Variants in EPHB2 observed in about 807,000 individuals in gnomAD.
EPHB2 encodes the protein ephrin type-B receptor 2.
A neutral mutation model predicts 96.4 loss-of-function variants in EPHB2; 18 were observed. The ratio of observed to expected loss-of-function variants is 0.19; its 90% CI spans 0.13 to 0.28. EPHB2 has a LOEUF of 0.28. Among genes scored for constraint, EPHB2 ranks in the 10% least tolerant of loss-of-function variants. EPHB2 has a pLI of 1.00. For missense variants in EPHB2, 989 were observed against 1,355.4 expected, an observed-to-expected ratio of 0.73 and a Z score of 4.25; for synonymous variants, 506 against 534.1, an observed-to-expected ratio of 0.95 and a Z score of 0.72.
At chr1:22,746,996 G>T (rs1643985700) in intron 1 of EPHB2, among the ~76,000 whole-genome samples, 2 of 152,246 alleles carry the variant, frequency 1.3e-5, no homozygotes, top group Non-Finnish European at 1.5e-5. Flanking sequence ...AGAAGTGACA[G>T]GTGGTGAGAG....
intron 1 of EPHB2, among the ~76,000 whole-genome samples, chr1:22,731,730 C>G (rs897838468): frequency 6.6e-6 from 1 of 152,154 alleles, no homozygotes; most frequent in Non-Finnish European, 1.5e-5. Flanking sequence ...ATCCCAGCTA[C>G]TCTGGAGGCT....
At chr1:22,752,036 G>A (rs562549468) in intron 1 of EPHB2, among the ~76,000 whole-genome samples, 1 of 152,338 alleles carries the variant, frequency 6.6e-6, no homozygotes, top group South Asian at 2.1e-4. Context: ...GTGGCCTTGG[G>A]TTGGTCATTT....
rs1378127070 is a variant in EPHB2 at position 22,858,580 on chromosome 1, CAT to C, written c.812-4456_812-4455del. Among the ~76,000 whole-genome samples the C allele has an allele frequency of 6.6e-6, 1 of 152,318 alleles. No individual in the cohort carries two copies. Among genetic ancestry groups the C allele is most frequent in the African/African-American group, 2.4e-5 (1 of 41,564 alleles). ...AACTGCCTTCCTGTGTTTCAGGTCT[CAT>C]TGTCTTCTTCCCACTTCTGCACGTG... On this transcript the variant is annotated intron_variant, in intron 3 of 15. Transcript: ENST00000374630. This position sits in a 1 kb window ranked among gnomAD's most constrained non-coding sequence, Gnocchi z 7.7.
intron 5 of EPHB2, among the ~76,000 whole-genome samples, chr1:22,866,786 T>C (rs1638493157): frequency 6.6e-6 from 1 of 151,932 alleles, no homozygotes; most frequent in African/African-American, 2.4e-5. Context: ...ATACAAAAAT[T>C]AGCCAGGTAT....
At chr1:22,777,475 A>G (rs1050534908) in intron 1 of EPHB2, among the ~76,000 whole-genome samples, 1 of 152,222 alleles carries the variant, frequency 6.6e-6, no homozygotes, top group African/African-American at 2.4e-5. Context: ...GGTGTGTTAC[A>G]GGGTGGAAAA....
At chr1:22,757,555 G>T (rs1331524686) in intron 1 of EPHB2, among the ~76,000 whole-genome samples, 1 of 152,090 alleles carries the variant, frequency 6.6e-6, no homozygotes, top group African/African-American at 2.4e-5. Flanking sequence ...TCTGTGTAAT[G>T]TTTACCCTAA....
At chr1:22,904,735 C>T (rs1005031868) in intron 9 of EPHB2, among the ~76,000 whole-genome samples, 4 of 152,186 alleles carry the variant, frequency 2.6e-5, no homozygotes, top group African/African-American at 9.7e-5. Flanking sequence ...GGTTGTGTTC[C>T]AATAATACTT....
chr1:22,888,519 A>G (rs1454733726), intron 6 of EPHB2, among the ~76,000 whole-genome samples: 2 of 152,190 alleles, frequency 1.3e-5, no homozygotes, highest in East Asian at 1.9e-4. Context: ...TGAGGCCTGG[A>G]AGGCTTAAGA....
intron 3 of EPHB2, among the ~76,000 whole-genome samples, chr1:22,825,365 A>T (rs551920877): frequency 6.6e-6 from 1 of 152,330 alleles, no homozygotes; most frequent in African/African-American, 2.4e-5. Flanking sequence ...AACTCCTCGG[A>T]TGATCCAGTT....
chr1:22,769,985 A>C (rs1644356586), intron 1 of EPHB2, among the ~76,000 whole-genome samples: 1 of 152,066 alleles, frequency 6.6e-6, no homozygotes, highest in African/African-American at 2.4e-5. Flanking sequence ...GAATGTGGTA[A>C]ATGAGAAAAT....
chr1:22,824,598 T>C lies in EPHB2; in HGVS notation c.812-38439T>C, dbSNP rs147172264. ...AGACGGGTGGAGGCTGGGCCTGCCATTGGGCAGCCGCCCCTGTTTACTCAG... is the reference window on the plus strand; with the variant it reads ...AGACGGGTGGAGGCTGGGCCTGCCACTGGGCAGCCGCCCCTGTTTACTCAG... On this transcript the variant is annotated intron_variant, in intron 3 of 15. Transcript: ENST00000374630. Among the ~76,000 whole-genome samples, 1,186 of 152,318 alleles carry C rather than the reference T, an allele frequency of 7.8e-3. 11 individuals are homozygous for C. Among genetic ancestry groups the C allele is most frequent in the African/African-American group, 0.027 (1,128 of 41,572 alleles).
chr1:22,776,151 C>T (rs904236112), intron 1 of EPHB2, among the ~76,000 whole-genome samples: 1 of 152,212 alleles, frequency 6.6e-6, no homozygotes, highest in Non-Finnish European at 1.5e-5. Flanking sequence ...CCCACCACTT[C>T]CAGCCCCACC....
chr1:22,812,351 G>A (rs6694899), intron 3 of EPHB2, among the ~76,000 whole-genome samples: 84,524 of 152,174 alleles, frequency 0.56, 25,895 homozygotes, highest in Non-Finnish European at 0.7. Flanking sequence ...GCTTCCACTC[G>A]GAGTGGGCAG....
chr1:22,821,559 T>A (rs745490270), intron 3 of EPHB2, among the ~76,000 whole-genome samples: 3 of 152,370 alleles, frequency 2.0e-5, no homozygotes, highest in Non-Finnish European at 2.9e-5. Context: ...CGGAAGCCTG[T>A]CTCAGTAATC....
chr1:22,889,150 G>C (rs1298480963), intron 6 of EPHB2, among the ~76,000 whole-genome samples: 3 of 152,124 alleles, frequency 2.0e-5, no homozygotes, highest in Admixed American at 1.3e-4. Context: ...GCAACACCCT[G>C]TCTCAAAAAT....
intron 3 of EPHB2, among the ~76,000 whole-genome samples, chr1:22,830,323 G>A (rs1645286940): frequency 2.6e-5 from 4 of 152,170 alleles, no homozygotes. Flanking sequence ...CAAGTTCTTT[G>A]CAGTCTCTGT....
At chr1:22,901,004 A>G (rs1639731105) in intron 9 of EPHB2, among the ~76,000 whole-genome samples, 1 of 152,164 alleles carries the variant, frequency 6.6e-6, no homozygotes, top group African/African-American at 2.4e-5. Context: ...TTTCATCCCT[A>G]TTCTGCCACT....
rs765341689 is a variant in EPHB2, at chr1:22,910,372, A to G, written c.2503-10A>G. 2 of 1,614,140 alleles carry G rather than the reference A, an allele frequency of 1.2e-6. No homozygotes were observed. Among genetic ancestry groups the G allele is most frequent in the East Asian group, 2.2e-5 (1 of 44,874 alleles). On this transcript the variant is annotated splice_polypyrimidine_tract_variant and intron_variant, in intron 13 of 15. Transcript: ENST00000374630. ...CCACCCAACCCCACTGCACTCCTGC[A>G]TTGTCCCAGGTAATCAATGCCATTG... is the stretch of plus-strand genomic sequence containing the variant.
intron 1 of EPHB2, among the ~76,000 whole-genome samples, chr1:22,746,569 G>T (rs751369136): frequency 5.9e-5 from 9 of 152,222 alleles, no homozygotes; most frequent in African/African-American, 1.9e-4. Context: ...TGTTCTGCAG[G>T]GGGGAGATGA....
Sources: allele counts gnomAD v4.1 joint callset (sites outside exome capture counted in the v4.1 genomes callset), GRCh38; gene constraint gnomAD v4.1.1; non-coding constraint Gnocchi (gnomAD v3.1); transcripts MANE v1.5; gene names NCBI Gene and HGNC (gene_info 2026-07-23, HGNC 2026-07-21).